The following CHD6 variants were observed in gnomAD, a reference collection of about 807,000 sequenced individuals.
CHD6 encodes ATP-dependent chromatin remodeler CHD6.
A neutral mutation model predicts 276.9 loss-of-function variants in CHD6; 50 were observed. The ratio of observed to expected loss-of-function variants is 0.18; its 90% confidence interval spans 0.14 to 0.23. The LOEUF (loss-of-function observed/expected upper bound fraction) is 0.23. Ranked by LOEUF, CHD6 falls within the 10% of genes least tolerant of loss-of-function variation. The pLI is 1.00. For synonymous variants in CHD6, 1,173 were observed against 1,229.3 expected (o/e 0.95, Z 0.96); for missense variants, 2,564 against 3,365.8 (o/e 0.76, Z 5.89).
At chr20:41,527,231 G>A (rs998390061) in intron 3 of CHD6, among the ~76,000 whole-genome samples, 4 of 152,130 alleles carry the variant, frequency 2.6e-5, no homozygotes, top group African/African-American at 7.2e-5. Flanking sequence ...GAGGACAGGA[G>A]TTCAAGACCA....
chr20:41,460,938 G>A (rs537910002), intron 17 of CHD6, among the ~76,000 whole-genome samples: 119 of 152,326 alleles, frequency 7.8e-4, no homozygotes, highest in African/African-American at 2.8e-3. Flanking sequence ...TGCTGGGGGA[G>A]GGAGGCTGTA....
rs1460243377 is a variant in CHD6, at chr20:41,450,886, C to T, written c.3683+60G>A. The T allele has an allele frequency of 1.9e-5, 28 of 1,507,158 alleles. No individual in the cohort carries two copies. The East Asian group carries it at 6.2e-4, about 33-fold the overall frequency. 93.4% of individuals were successfully genotyped at this position (1,507,158 alleles called of 1,614,324 possible). ...TGAAGTGCTCTCCCTGTGGGGTTCC[C>T]AGGAATCGAAGCAGTCTGAGCCGGG... On this transcript the variant is annotated intron_variant, in intron 23 of 36. Coordinates refer to ENST00000373233, the MANE Select transcript of CHD6 (RefSeq NM_032221.5).
At chr20:41,445,554 A>C (rs1490511800) in intron 25 of CHD6, 111 bp downstream of exon 25, 1 of 663,584 alleles carries the variant, frequency 1.5e-6, no homozygotes, top group Non-Finnish European at 2.7e-6. Flanking sequence ...ATGAATGTGT[A>C]ACAGAATGAT....
rs1215741973 is a variant in CHD6, at chr20:41,555,208, G to A, written c.-23-3848C>T. Reference sequence around the variant, plus strand: ...CGGGCAGAGGCGCCCCTCACCTCCCGGATGGGGCGGCTGGCCGGGTGGGGG... The same window carrying A: ...CGGGCAGAGGCGCCCCTCACCTCCCAGATGGGGCGGCTGGCCGGGTGGGGG... On this transcript the variant is annotated intron_variant, in intron 1 of 36. Transcript: ENST00000373233. Among the ~76,000 whole-genome samples the A allele has an allele frequency of 6.9e-5, 9 of 129,740 alleles. No homozygotes were observed. In the South Asian group the frequency reaches 7.9e-4, roughly 11 times the overall value. The allele number at this position is 129,740 out of a possible 152,430, so 85.1% of individuals were successfully genotyped here.
At chr20:41,461,583 G>A (rs979756036) in intron 17 of CHD6, 5 of 166,050 alleles carry the variant, frequency 3.0e-5, no homozygotes, top group Admixed American at 1.3e-4. Flanking sequence ...TTCGCCTCCC[G>A]CCATGATTCT....
At chr20:41,434,896 C>A (rs1272893365) in intron 27 of CHD6, among the ~76,000 whole-genome samples, 1 of 152,196 alleles carries the variant, frequency 6.6e-6, no homozygotes, top group Non-Finnish European at 1.5e-5. Flanking sequence ...TTATGAAATA[C>A]TGCATCCAAT....
intron 1 of CHD6, among the ~76,000 whole-genome samples, chr20:41,571,630 T>C (rs915373359): frequency 6.6e-6 from 1 of 152,018 alleles, no homozygotes. Flanking sequence ...GCCATTAGTA[T>C]TTTTGTTGAA....
chr20:41,423,787 C>T, intron 29 of CHD6, 87 bp from the exon 30 acceptor site: 1 of 1,059,084 alleles, frequency 9.4e-7, no homozygotes, highest in South Asian at 1.4e-5. Context: ...CTATGAGAGC[C>T]CATAAAGTCA....
At chr20:41,455,363 T>C (rs2048349919) in intron 19 of CHD6, among the ~76,000 whole-genome samples, 1 of 152,166 alleles carries the variant, frequency 6.6e-6, no homozygotes. Context: ...GACTAGAAGC[T>C]GGGAATTTTA....
Position 41,512,989 on chromosome 20 carries a change from G to A in CHD6, c.709C>T (p.Arg237Cys), listed in dbSNP as rs1334220503. The A allele has an allele frequency of 2.5e-6, 4 of 1,613,860 alleles. No homozygotes were observed. The highest frequency in any genetic ancestry group is 1.7e-5 in the Admixed American group (1 of 60,000). The change falls in exon 5 of 37, where the codon CGC becomes TGC. Residue 237 changes from arginine to cysteine, a missense_variant. By Grantham distance (180) the Arg-to-Cys change is radical. Transcript: ENST00000373233. ...CTGCGCTTTACTTGCCTTCCCGAGC[G>A]TCGTTTCTGTAGGGCAAACACACCC... ...STESTDSQKR[R>C]SGRQVKRRKY... is the part of the protein sequence containing the mutation.
chr20:41,562,669 C>T (rs563764309), intron 1 of CHD6, among the ~76,000 whole-genome samples: 1 of 152,046 alleles, frequency 6.6e-6, no homozygotes, highest in South Asian at 2.1e-4. Flanking sequence ...CTAGAGAAAA[C>T]CTATCACCTT....
intron 20 of CHD6, among the ~76,000 whole-genome samples, chr20:41,453,923 CT>C (rs938989117): frequency 8.5e-5 from 13 of 152,262 alleles, no homozygotes; most frequent in African/African-American, 2.9e-4. Flanking sequence ...TGTCTCCTGG[CT>C]TTGTGGAACC....
chr20:41,438,849 G>A (rs1252246073), intron 26 of CHD6, among the ~76,000 whole-genome samples: 2 of 152,098 alleles, frequency 1.3e-5, no homozygotes, highest in Admixed American at 6.5e-5. Flanking sequence ...AATGCATCTC[G>A]GTTATCTGTC....
rs373801105 is a variant in CHD6 at position 41,404,661 on chromosome 20, C to T, written c.8080G>A (p.Ala2694Thr). The T allele has an allele frequency of 9.8e-6, 15 of 1,534,912 alleles. No individual in the cohort carries two copies. Among genetic ancestry groups the T allele is most frequent in the Non-Finnish European group, 1.2e-5 (14 of 1,141,002 alleles). ...NCAEPSAPLP[A>T]EREHGAQAGE... ...GCCTGTGCCCCATGTTCTCTCTCTGCGGGCAAAGGGGCACTGGGTTCGGCA... is the reference window on the plus strand; with the variant it reads ...GCCTGTGCCCCATGTTCTCTCTCTGTGGGCAAAGGGGCACTGGGTTCGGCA... Residue 2694 changes from alanine (A) to threonine (T), a missense_variant, in exon 37 of 37, where the codon GCA (alanine) becomes ACA (threonine). Transcript: ENST00000373233.
At chr20:41,573,615 G>A (rs1346478102) in intron 1 of CHD6, among the ~76,000 whole-genome samples, 1 of 152,050 alleles carries the variant, frequency 6.6e-6, no homozygotes, top group Admixed American at 6.5e-5. Context: ...TAAGACCTAT[G>A]ATCTAGTAAG....
intron 1 of CHD6, among the ~76,000 whole-genome samples, chr20:41,573,724 C>T (rs552219990): frequency 2.6e-5 from 4 of 152,090 alleles, no homozygotes; most frequent in East Asian, 1.9e-4. Context: ...AAGAGCCATG[C>T]GAGTTAAGAG....
chr20:41,505,231 T>C (rs1422373377), intron 5 of CHD6, among the ~76,000 whole-genome samples: 1 of 152,206 alleles, frequency 6.6e-6, no homozygotes, highest in Non-Finnish European at 1.5e-5. Context: ...GGTAGGTCCA[T>C]TCCTTTAGTG....
At chr20:41,425,700 A>C (rs2047340029) in intron 28 of CHD6, among the ~76,000 whole-genome samples, 1 of 152,050 alleles carries the variant, frequency 6.6e-6, no homozygotes, top group African/African-American at 2.4e-5. Context: ...TGTTGCCTGC[A>C]CCTTCCAATT....
At chr20:41,556,277 CGGGAGA>C (rs1230056676) in intron 1 of CHD6, among the ~76,000 whole-genome samples, 3 of 135,996 alleles carry the variant, frequency 2.2e-5, no homozygotes, top group Non-Finnish European at 4.7e-5. Context: ...CGTGGGGAGA[CGGGAGA>C]GGGAGAGGGA....
Sources: gnomAD v4.1 joint callset for allele counts (sites outside exome capture counted in the v4.1 genomes callset) on GRCh38, gnomAD v4.1.1 for gene constraint, MANE v1.5 for transcripts, NCBI Gene and HGNC (gene_info 2026-07-23, HGNC 2026-07-21) for gene names.